The following SPOCK3 variants were observed in gnomAD, a reference collection of about 807,000 sequenced individuals.
SPOCK3 encodes the protein testican-3.
SPOCK3 carries 30 observed loss-of-function variants against 56.6 expected under a neutral mutation model. The observed-to-expected ratio is 0.53, with a 90% confidence interval of 0.40 to 0.72. The LOEUF (loss-of-function observed/expected upper bound fraction) is 0.72. SPOCK3 is among the 30% of genes least tolerant of loss of function. SPOCK3 has a pLI of 0.00. For missense variants in SPOCK3, 527 were observed against 530.0 expected (o/e 0.99, Z 0.06); for synonymous variants, 196 against 183.3 (o/e 1.07, Z -0.56).
intron 3 of SPOCK3, among the ~76,000 whole-genome samples, chr4:167,018,993 G>A (rs1331316177): frequency 1.3e-5 from 2 of 151,986 alleles, no homozygotes; most frequent in African/African-American, 4.8e-5. Flanking sequence ...GTCTCTCCAA[G>A]TGAGCACAAT....
intron 3 of SPOCK3, among the ~76,000 whole-genome samples, chr4:167,019,654 A>G (rs1302918251): frequency 1.3e-5 from 2 of 151,954 alleles, no homozygotes; most frequent in Non-Finnish European, 1.5e-5. Context: ...GTATTCTTCA[A>G]TTTTGTACCT....
chr4:167,088,107 G>C (rs977267251), intron 2 of SPOCK3, among the ~76,000 whole-genome samples: 7 of 151,946 alleles, frequency 4.6e-5, no homozygotes, highest in African/African-American at 1.7e-4. Context: ...TTTTTCCGCA[G>C]GATGATATAT....
intron 2 of SPOCK3, among the ~76,000 whole-genome samples, chr4:167,208,431 G>A (rs1019819166): frequency 1.3e-5 from 2 of 152,010 alleles, no homozygotes; most frequent in Non-Finnish European, 2.9e-5. Flanking sequence ...GACTCAAGTC[G>A]CTTACTTTTA....
chr4:166,982,391 C>T (rs575194355), intron 4 of SPOCK3, among the ~76,000 whole-genome samples: 1 of 152,190 alleles, frequency 6.6e-6, no homozygotes. Flanking sequence ...ATAATAAACA[C>T]ATTAAAAATA....
intron 4 of SPOCK3, among the ~76,000 whole-genome samples, chr4:166,931,089 C>A (rs1579690335): frequency 6.6e-6 from 1 of 152,156 alleles, no homozygotes; most frequent in East Asian, 1.9e-4. Flanking sequence ...TCAAGCAATT[C>A]TCCTGCTTCA....
chr4:166,736,027 T>A (rs1217671897), intron 10 of SPOCK3, among the ~76,000 whole-genome samples: 1 of 152,120 alleles, frequency 6.6e-6, no homozygotes, highest in Non-Finnish European at 1.5e-5. Context: ...AGCGTGGATT[T>A]ATTTTATACT....
At chr4:166,772,329 T>A (rs1169256715) in intron 7 of SPOCK3, among the ~76,000 whole-genome samples, 1 of 152,106 alleles carries the variant, frequency 6.6e-6, no homozygotes, top group Non-Finnish European at 1.5e-5. Context: ...CATTCCATAT[T>A]CATTTTTTCT....
intron 9 of SPOCK3, among the ~76,000 whole-genome samples, chr4:166,739,845 T>C (rs542476109): frequency 2.6e-5 from 4 of 152,182 alleles, no homozygotes; most frequent in Non-Finnish European, 5.9e-5. Flanking sequence ...TTGAAAATTG[T>C]TATACGTAGA....
At chr4:167,205,529 ATTATAT>A (rs1561322693) in intron 2 of SPOCK3, among the ~76,000 whole-genome samples, 5 of 55,898 alleles carry the variant, frequency 8.9e-5, no homozygotes, top group African/African-American at 4.3e-4. Flanking sequence ...TATATATATT[ATTATAT>A]AATATATATT....
At chr4:167,113,524 T>C (rs915046837) in intron 2 of SPOCK3, among the ~76,000 whole-genome samples, 8 of 152,032 alleles carry the variant, frequency 5.3e-5, no homozygotes, top group Non-Finnish European at 1.2e-4. Flanking sequence ...GGAATAAGAA[T>C]GGGTTTCAGT....
At chr4:167,116,585 T>TGTATATATACACGTATATACTATATAC (rs1761367291) in intron 2 of SPOCK3, among the ~76,000 whole-genome samples, 2 of 113,588 alleles carry the variant, frequency 1.8e-5, no homozygotes, top group African/African-American at 7.3e-5. Flanking sequence ...TATATAGTTT[T>TGTATATATACACGTATATACTATATAC]GTATATATAT....
chr4:166,782,257 TAA>T (rs959141616), intron 7 of SPOCK3, among the ~76,000 whole-genome samples: 2 of 152,276 alleles, frequency 1.3e-5, no homozygotes, highest in African/African-American at 2.4e-5. Context: ...CACATAATGA[TAA>T]AGAGTTCAAC....
At chr4:166,825,436 T>G (rs1290802619) in intron 6 of SPOCK3, among the ~76,000 whole-genome samples, 1 of 152,116 alleles carries the variant, frequency 6.6e-6, no homozygotes, top group Non-Finnish European at 1.5e-5. Flanking sequence ...ACACCGCTGG[T>G]AGGAATGTAA....
rs147955775 is a variant in SPOCK3, at chr4:167,050,903, A to C, written c.235+11589T>G. ...TGCCAAGTGCTGAGGGGAAGAGAGA[A>C]AGGAGAGTTATTGTCTAATGCATGT... is the stretch of plus-strand genomic sequence containing the variant. On this transcript the variant is annotated intron_variant, in intron 3 of 10. Coordinates refer to ENST00000357545, the MANE Select transcript of SPOCK3 (RefSeq NM_001040159.2). Among the ~76,000 whole-genome samples, 224 of 152,208 alleles carry C rather than the reference A, an allele frequency of 1.5e-3. 5 individuals carry two copies. The East Asian group carries it at 0.037, about 25-fold the overall frequency.
At chr4:166,992,098 A>T (rs1438219289) in intron 4 of SPOCK3, among the ~76,000 whole-genome samples, 2 of 152,148 alleles carry the variant, frequency 1.3e-5, no homozygotes, top group Non-Finnish European at 2.9e-5. Context: ...TGTTCAAAAC[A>T]TGTTATGTTA....
At chr4:167,159,583 A>C (rs1765104804) in intron 2 of SPOCK3, among the ~76,000 whole-genome samples, 1 of 152,094 alleles carries the variant, frequency 6.6e-6, no homozygotes, top group African/African-American at 2.4e-5. Context: ...CAGAGACACA[A>C]CCAAAAAAGA....
chr4:166,837,576 T>G (rs1038807435), intron 6 of SPOCK3, among the ~76,000 whole-genome samples: 5 of 152,200 alleles, frequency 3.3e-5, no homozygotes, highest in Non-Finnish European at 7.3e-5. Context: ...ATAGAAATTG[T>G]ACTTCCCATT....
At chr4:167,201,156 AAAAT>A (rs1733480667) in intron 2 of SPOCK3, among the ~76,000 whole-genome samples, 2 of 152,050 alleles carry the variant, frequency 1.3e-5, no homozygotes. Flanking sequence ...CAAGAGAAGA[AAAAT>A]AAACATGCAT....
chr4:167,222,630 A>T (rs989365949), intron 2 of SPOCK3, among the ~76,000 whole-genome samples: 2 of 141,156 alleles, frequency 1.4e-5, no homozygotes, highest in African/African-American at 5.2e-5. Context: ...ATATAAACAT[A>T]GATATATATT....
Sources: allele counts gnomAD v4.1 joint callset (sites outside exome capture counted in the v4.1 genomes callset), GRCh38; gene constraint gnomAD v4.1.1; transcripts MANE v1.5; gene names NCBI Gene and HGNC (gene_info 2026-07-23, HGNC 2026-07-21).